Variants in TAFA5 observed in about 807,000 individuals in gnomAD.
The protein encoded by TAFA5 is chemokine-like protein TAFA-5.
TAFA5 carries 6 observed loss-of-function variants against 15.3 expected under a neutral mutation model. The observed-to-expected ratio is 0.39, with a 90% CI of 0.21 to 0.77. The LOEUF is 0.77. Ranked by LOEUF, TAFA5 falls within the 30% of genes least tolerant of loss-of-function variation. TAFA5 has a pLI of 0.41. For synonymous variants in TAFA5, 103 were observed against 80.7 expected (o/e 1.28, Z -1.48); for missense variants, 161 against 193.1 (o/e 0.83, Z 0.98).
chr22:48,623,159 C>G (rs1300983971), intron 1 of TAFA5, among the ~76,000 whole-genome samples: 1 of 152,230 alleles, frequency 6.6e-6, no homozygotes, highest in African/African-American at 2.4e-5. Context: ...GATGCCCTGA[C>G]GGCGGTGGGA....
intron 2 of TAFA5, among the ~76,000 whole-genome samples, chr22:48,671,711 G>T (rs1005624459): frequency 2.0e-5 from 3 of 152,156 alleles, no homozygotes; most frequent in Non-Finnish European, 4.4e-5. Context: ...TCCAGTCCTG[G>T]AAACACAAGC....
intron 2 of TAFA5, among the ~76,000 whole-genome samples, chr22:48,686,129 G>A (rs1480215037): frequency 2.6e-5 from 4 of 152,194 alleles, no homozygotes; most frequent in South Asian, 2.1e-4. Flanking sequence ...TCCTTCCAGC[G>A]GGCAGGTGGA....
chr22:48,708,835 C>G (rs1004503455), intron 3 of TAFA5, among the ~76,000 whole-genome samples: 4 of 152,218 alleles, frequency 2.6e-5, no homozygotes, highest in African/African-American at 9.6e-5. Context: ...CAGCTCCTCA[C>G]ACTGGGCTGC....
At chr22:48,582,147 C>T (rs922513644) in intron 1 of TAFA5, among the ~76,000 whole-genome samples, 1 of 151,996 alleles carries the variant, frequency 6.6e-6, no homozygotes, top group Non-Finnish European at 1.5e-5. Context: ...TGTGTGAGCC[C>T]ACCTCTCCCA....
intron 3 of TAFA5, among the ~76,000 whole-genome samples, chr22:48,748,642 G>A (rs1319680789): frequency 2.6e-5 from 4 of 152,182 alleles, no homozygotes; most frequent in East Asian, 3.9e-4. Context: ...TTGGGTAGAC[G>A]AGGCTATGAC....
intron 2 of TAFA5, among the ~76,000 whole-genome samples, chr22:48,665,417 T>G (rs2147217466): frequency 6.6e-6 from 1 of 152,278 alleles, no homozygotes; most frequent in East Asian, 1.9e-4. Flanking sequence ...TCTTTTCCCT[T>G]CCAGGTCGTG....
At chr22:48,726,440 T>C (rs1238572812) in intron 3 of TAFA5, among the ~76,000 whole-genome samples, 1 of 151,786 alleles carries the variant, frequency 6.6e-6, no homozygotes, top group Non-Finnish European at 1.5e-5. Context: ...AATCCAGTCG[T>C]GGTAGTCTGG....
intron 1 of TAFA5, among the ~76,000 whole-genome samples, chr22:48,547,860 T>C (rs1405811743): frequency 6.6e-6 from 1 of 152,042 alleles, no homozygotes; most frequent in Non-Finnish European, 1.5e-5. Context: ...GTGGAGAAGG[T>C]TGGAAATGTC....
chr22:48,581,058 G>A (rs931438119), intron 1 of TAFA5, among the ~76,000 whole-genome samples: 2 of 152,224 alleles, frequency 1.3e-5, no homozygotes, highest in African/African-American at 4.8e-5. Flanking sequence ...ATGAAAAGGC[G>A]TTAAAAATAA....
At chr22:48,625,090 G>A (rs563938744) in intron 1 of TAFA5, among the ~76,000 whole-genome samples, 1 of 151,548 alleles carries the variant, frequency 6.6e-6, no homozygotes, top group South Asian at 2.1e-4. Flanking sequence ...ACTCCAGCCT[G>A]GGAAATAGAG....
At chr22:48,599,985 T>A (rs1364248885) in intron 1 of TAFA5, among the ~76,000 whole-genome samples, 1 of 152,124 alleles carries the variant, frequency 6.6e-6, no homozygotes, top group Non-Finnish European at 1.5e-5. Flanking sequence ...CGGTGAGTGT[T>A]TGCAGCTCTC....
intron 1 of TAFA5, among the ~76,000 whole-genome samples, chr22:48,555,810 C>G (rs1047523442): frequency 2.0e-5 from 3 of 152,280 alleles, no homozygotes; most frequent in Admixed American, 2.0e-4. Context: ...GATGGGGGCG[C>G]TGTGGCCGCT....
rs1330710018 is a variant in TAFA5 at position 48,550,092 on chromosome 22, G to T, written c.112+60388G>T. ...AAGTGACTCGTATGTGGCAAAGCTG[G>T]CCTGTATCAGAAGCTGGGAACTTTG... On this transcript the variant is annotated intron_variant, in intron 1 of 3. Transcript: ENST00000402357. The surrounding 1 kb of genome is among the most constrained non-coding windows in gnomAD (Gnocchi z 4.1). 6.6e-6 allele frequency among the ~76,000 whole-genome samples: 1 copy of T among 152,232 alleles called. No individual in the cohort carries two copies. The highest frequency in any genetic ancestry group is 1.5e-5 in the Non-Finnish European group (1 of 68,046).
Position 48,550,531 on chromosome 22 carries a change from G to A in TAFA5, c.112+60827G>A, listed in dbSNP as rs1922819998. Among the ~76,000 whole-genome samples the A allele has an allele frequency of 6.6e-6, 1 of 152,190 alleles. No individual in the cohort carries two copies. The highest frequency in any genetic ancestry group is 2.1e-4 in the South Asian group (1 of 4,832). ...CCCCTGGGAAATGCCGGCATTGTGT[G>A]AAGGAGTGTCTTGTATCAAAGCAGA... On this transcript the variant is annotated intron_variant, in intron 1 of 3. Transcript: ENST00000402357. The surrounding 1 kb of genome is among the most constrained non-coding windows in gnomAD (Gnocchi z 4.1).
At chr22:48,581,420 T>G (rs1479076835) in intron 1 of TAFA5, among the ~76,000 whole-genome samples, 1 of 152,120 alleles carries the variant, frequency 6.6e-6, no homozygotes, top group African/African-American at 2.4e-5. Flanking sequence ...AACTCATCAG[T>G]CTCCCATGTT....
intron 2 of TAFA5, among the ~76,000 whole-genome samples, chr22:48,681,369 G>T (rs1928178765): frequency 6.6e-6 from 1 of 152,168 alleles, no homozygotes; most frequent in South Asian, 2.1e-4. Context: ...GAGGCCGGGT[G>T]CGGTGGCTCA....
At chr22:48,568,083 T>C (rs1923466594) in intron 1 of TAFA5, among the ~76,000 whole-genome samples, 1 of 152,184 alleles carries the variant, frequency 6.6e-6, no homozygotes, top group Non-Finnish European at 1.5e-5. Flanking sequence ...ACAAAATAAA[T>C]GCGAGTAAAA....
intron 1 of TAFA5, among the ~76,000 whole-genome samples, chr22:48,625,578 T>C (rs1303653631): frequency 6.6e-6 from 1 of 152,172 alleles, no homozygotes; most frequent in East Asian, 1.9e-4. Context: ...CTCACCCCTT[T>C]CCAGAATCAC....
intron 2 of TAFA5, among the ~76,000 whole-genome samples, chr22:48,674,286 C>A (rs1449597606): frequency 1.3e-5 from 2 of 152,210 alleles, no homozygotes; most frequent in East Asian, 3.9e-4. Context: ...CATTGCTCGC[C>A]CCCACCTGCC....
Sources: allele counts gnomAD v4.1 joint callset (sites outside exome capture counted in the v4.1 genomes callset), GRCh38; gene constraint gnomAD v4.1.1; non-coding constraint Gnocchi (gnomAD v3.1); transcripts MANE v1.5; gene names NCBI Gene and HGNC (gene_info 2026-07-23, HGNC 2026-07-21).